The following VDAC1 variants were observed in gnomAD, a reference collection of about 807,000 sequenced individuals.
VDAC1 encodes the protein non-selective voltage-gated ion channel VDAC1.
Under a neutral mutation model 34.7 loss-of-function variants are expected in VDAC1, and 10 were observed. The ratio of observed to expected loss-of-function variants is 0.29; its 90% confidence interval spans 0.18 to 0.49. The LOEUF (loss-of-function observed/expected upper bound fraction) is 0.49. Among genes scored for constraint, VDAC1 ranks in the 20% least tolerant of loss-of-function variants. The pLI is 0.99. For synonymous variants in VDAC1, 130 were observed against 136.0 expected, an observed-to-expected ratio of 0.96 and a Z score of 0.30; for missense variants, 230 against 347.9, an observed-to-expected ratio of 0.66 and a Z score of 2.69.
intron 6 of VDAC1, among the ~76,000 whole-genome samples, chr5:133,979,693 G>C (rs28677797): frequency 0.015 from 2,307 of 152,222 alleles, 54 homozygotes; most frequent in African/African-American, 0.053. Flanking sequence ...CTCCCAAAGT[G>C]CTGGGATTAC....
At chr5:133,989,552 G>A (rs1030032767) in intron 5 of VDAC1, among the ~76,000 whole-genome samples, 1 of 151,746 alleles carries the variant, frequency 6.6e-6, no homozygotes, top group Non-Finnish European at 1.5e-5. Context: ...TAGAGATGGG[G>A]TTTTGCCATG....
At chr5:134,057,132 C>G in the VDAC1 span, among the ~76,000 whole-genome samples, 2 of 152,034 alleles carry the variant, frequency 1.3e-5, no homozygotes, top group African/African-American at 4.8e-5. Context: ...ATCAGGAGTT[C>G]GAGACCAGCC....
intron 1 of VDAC1, among the ~76,000 whole-genome samples, chr5:133,996,262 C>CT (rs1264409599): frequency 6.6e-6 from 1 of 152,190 alleles, no homozygotes; most frequent in African/African-American, 2.4e-5. Context: ...TCACTGAAGA[C>CT]TTTGAGAAGG....
At chr5:134,074,126 C>A in the VDAC1 span, among the ~76,000 whole-genome samples, 2 of 151,910 alleles carry the variant, frequency 1.3e-5, no homozygotes, top group Non-Finnish European at 2.9e-5. Flanking sequence ...GCCTGGCTAA[C>A]ATGGTGAAAC....
chr5:133,994,069 TCTG>T (rs1753206138), intron 1 of VDAC1, among the ~76,000 whole-genome samples: 1 of 152,208 alleles, frequency 6.6e-6, no homozygotes, highest in Non-Finnish European at 1.5e-5. Flanking sequence ...TCAAAATTCA[TCTG>T]CATATATACC....
the VDAC1 span, among the ~76,000 whole-genome samples, chr5:134,078,763 GCCTCAGCCTC>G: frequency 1.4e-5 from 2 of 144,624 alleles, no homozygotes; most frequent in Admixed American, 7.4e-5. Flanking sequence ...CAATTCTCCT[GCCTCAGCCTC>G]CCAAGTAGCT....
chr5:134,075,839 C>A, the VDAC1 span, among the ~76,000 whole-genome samples: 1 of 152,224 alleles, frequency 6.6e-6, no homozygotes, highest in Non-Finnish European at 1.5e-5. Context: ...CCCGCCTCAG[C>A]CTCCCAAAGT....
chr5:134,061,644 A>C, the VDAC1 span, among the ~76,000 whole-genome samples: 2 of 151,744 alleles, frequency 1.3e-5, no homozygotes, highest in Non-Finnish European at 2.9e-5. Context: ...GAATGCTGGG[A>C]TTATAAGCGA....
At chr5:134,046,733 A>C in the VDAC1 span, among the ~76,000 whole-genome samples, 4 of 152,172 alleles carry the variant, frequency 2.6e-5, no homozygotes, top group Non-Finnish European at 5.9e-5. Flanking sequence ...ACTACCCCAC[A>C]ACACACATTT....
At chr5:134,008,327 A>G (rs140485657), upstream of VDAC1, among the ~76,000 whole-genome samples, 61 of 152,350 alleles carry the variant, frequency 4.0e-4, no homozygotes, top group Non-Finnish European at 7.2e-4. Flanking sequence ...TGCCTGAGCC[A>G]ACGGCCTCCT....
the VDAC1 span, among the ~76,000 whole-genome samples, chr5:134,109,437 G>A: frequency 6.6e-6 from 1 of 152,042 alleles, no homozygotes; most frequent in Non-Finnish European, 1.5e-5. Flanking sequence ...TCTCACCTCT[G>A]GTCTCAAGGC....
At chr5:134,105,255 G>A in the VDAC1 span, among the ~76,000 whole-genome samples, 2 of 152,144 alleles carry the variant, frequency 1.3e-5, no homozygotes, top group Admixed American at 6.5e-5. Flanking sequence ...GGAGGCCAGG[G>A]GAGGCCTCCA....
At chr5:134,031,102 T>TG in the VDAC1 span, among the ~76,000 whole-genome samples, 1 of 152,180 alleles carries the variant, frequency 6.6e-6, no homozygotes, top group Non-Finnish European at 1.5e-5. Flanking sequence ...TGGTCCTGGA[T>TG]GACCACCTGG....
At chr5:134,091,475 C>T in the VDAC1 span, among the ~76,000 whole-genome samples, 8 of 152,172 alleles carry the variant, frequency 5.3e-5, no homozygotes, top group Middle Eastern at 3.4e-3. Context: ...GGAAGGATGT[C>T]GATCGATGGG....
the VDAC1 span, among the ~76,000 whole-genome samples, chr5:134,053,037 C>T: frequency 6.6e-6 from 1 of 152,158 alleles, no homozygotes; most frequent in East Asian, 1.9e-4. Context: ...ATCCCTTGAA[C>T]CCAGGAGGTG....
the VDAC1 span, among the ~76,000 whole-genome samples, chr5:134,017,359 G>C: frequency 2.6e-5 from 4 of 152,064 alleles, no homozygotes; most frequent in African/African-American, 9.7e-5. Flanking sequence ...CCAGCTACTC[G>C]GGAGGCTGAG....
the VDAC1 span, among the ~76,000 whole-genome samples, chr5:134,062,817 G>A: frequency 6.6e-6 from 1 of 151,424 alleles, no homozygotes; most frequent in Admixed American, 6.6e-5. Context: ...AGTAGAAATG[G>A]GGTTTCACCA....
the VDAC1 span, among the ~76,000 whole-genome samples, chr5:134,017,682 G>A: frequency 6.6e-6 from 1 of 152,170 alleles, no homozygotes; most frequent in Non-Finnish European, 1.5e-5. Flanking sequence ...GGGAGGCCGA[G>A]GTGGGCGGAT....
rs529136689 is a variant in VDAC1 at position 134,000,040 on chromosome 5, G to C, written c.-7+4855C>G. Among the ~76,000 whole-genome samples the C allele has an allele frequency of 2.0e-3, 312 of 152,198 alleles. 2 individuals carry two copies. The highest frequency in any genetic ancestry group is 2.9e-3 in the Non-Finnish European group (197 of 68,016). ...AGGACCAGGAAAAGCAACTTCCCCAGCAGAAGGCAACCCTAGCTCTAAAAG... is the reference window on the plus strand; with the variant it reads ...AGGACCAGGAAAAGCAACTTCCCCACCAGAAGGCAACCCTAGCTCTAAAAG... On this transcript the variant is annotated intron_variant, in intron 1 of 8. Transcript: ENST00000265333.
Sources: allele counts gnomAD v4.1 joint callset (sites outside exome capture counted in the v4.1 genomes callset), GRCh38; gene constraint gnomAD v4.1.1; transcripts MANE v1.5; gene names NCBI Gene and HGNC (gene_info 2026-07-23, HGNC 2026-07-21).